The following MAGI2 variants were observed in gnomAD, a reference collection of about 807,000 sequenced individuals.
MAGI2 encodes membrane associated guanylate kinase, WW and PDZ domain containing 2, also known as membrane-associated guanylate kinase, WW and PDZ domain-containing protein 2.
A neutral mutation model predicts 133.3 loss-of-function variants in MAGI2; 35 were observed. The observed-to-expected ratio is 0.26, with a 90% CI of 0.20 to 0.35. The LOEUF is 0.35. Ranked by LOEUF, MAGI2 falls within the 10% of genes least tolerant of loss-of-function variation. The probability of loss-of-function intolerance (pLI) is 1.00; values close to 1 mark genes in which losing one functional copy is unlikely to be tolerated. For missense variants in MAGI2, 1,636 were observed against 1,863.4 expected, an observed-to-expected ratio of 0.88 and a Z score of 2.25; for synonymous variants, 729 against 710.6, an observed-to-expected ratio of 1.03 and a Z score of -0.41.
In MAGI2 at chr7:79,453,404, G is replaced by C; in HGVS notation, c.-84C>G. 1 of 1,512,492 alleles carries C rather than the reference G, an allele frequency of 6.6e-7. No individual in the cohort carries two copies. The allele number at this position is 1,512,492 out of a possible 1,614,324, so 93.7% of individuals were successfully genotyped here. A position where few individuals can be genotyped will look rare whatever the true frequency, so the allele number is the denominator to read the frequency against. ...GAGAGAATGAGGATGGAGGAGCAAG[G>C]GGGCCCAGGGGGAAGAACAGCAGAC... On this transcript the variant is annotated 5_prime_UTR_variant, in exon 1 of 22. Coordinates refer to ENST00000354212, the MANE Select transcript of MAGI2 (RefSeq NM_012301.4).
intron 9 of MAGI2, among the ~76,000 whole-genome samples, chr7:78,267,930 T>C (rs1794175527): frequency 6.6e-6 from 1 of 152,178 alleles, no homozygotes; most frequent in Admixed American, 6.5e-5. Flanking sequence ...GTTACAATTA[T>C]TATATGATAC....
At chr7:78,551,807 C>T (rs370538412) in intron 3 of MAGI2, among the ~76,000 whole-genome samples, 12 of 152,204 alleles carry the variant, frequency 7.9e-5, no homozygotes, top group Admixed American at 2.0e-4. Flanking sequence ...GGCAGCGGTG[C>T]GAACCTGGCT....
At chr7:78,969,457 G>T (rs1322561411) in intron 2 of MAGI2, among the ~76,000 whole-genome samples, 1 of 152,014 alleles carries the variant, frequency 6.6e-6, no homozygotes, top group East Asian at 1.9e-4. Context: ...GTGTGTTCGT[G>T]TCATTAATGA....
At chr7:79,423,643 G>T (rs998581430) in intron 1 of MAGI2, among the ~76,000 whole-genome samples, 1 of 152,020 alleles carries the variant, frequency 6.6e-6, no homozygotes, top group Non-Finnish European at 1.5e-5. Flanking sequence ...TGCAGGTTAT[G>T]CCATTTCTTT....
chr7:79,354,918 G>T (rs1035441961), intron 1 of MAGI2, among the ~76,000 whole-genome samples: 5 of 152,078 alleles, frequency 3.3e-5, no homozygotes, highest in Non-Finnish European at 7.4e-5. Flanking sequence ...TTTTCCCCTG[G>T]ACCCAATAGG....
chr7:79,123,649 G>T (rs1466939457), intron 1 of MAGI2, among the ~76,000 whole-genome samples: 1 of 151,858 alleles, frequency 6.6e-6, no homozygotes, highest in Non-Finnish European at 1.5e-5. Flanking sequence ...AGCCAGGCGT[G>T]GTGGGGTGTG....
At chr7:78,846,522 T>C (rs912270626) in intron 2 of MAGI2, among the ~76,000 whole-genome samples, 18 of 151,968 alleles carry the variant, frequency 1.2e-4, no homozygotes, top group African/African-American at 4.3e-4. Context: ...GTAGGAATAG[T>C]TTATCTTGTG....
At chr7:78,690,507 C>G (rs1208424847) in intron 2 of MAGI2, among the ~76,000 whole-genome samples, 1 of 152,164 alleles carries the variant, frequency 6.6e-6, no homozygotes, top group Non-Finnish European at 1.5e-5. Flanking sequence ...TCACCAGATA[C>G]TTTTTGTCCT....
chr7:79,141,344 A>G (rs1822113748), intron 1 of MAGI2, among the ~76,000 whole-genome samples: 1 of 152,176 alleles, frequency 6.6e-6, no homozygotes, highest in South Asian at 2.1e-4. Context: ...TTCACTATAC[A>G]GAAAGTTACT....
At chr7:78,431,282 G>A (rs1001256253) in intron 6 of MAGI2, among the ~76,000 whole-genome samples, 6 of 152,054 alleles carry the variant, frequency 3.9e-5, no homozygotes, top group African/African-American at 1.4e-4. Context: ...TTCAAAGACT[G>A]ACTAAAGGTG....
intron 6 of MAGI2, among the ~76,000 whole-genome samples, chr7:78,437,425 A>G (rs1354088172): frequency 6.6e-6 from 1 of 152,238 alleles, no homozygotes; most frequent in African/African-American, 2.4e-5. Context: ...CAGATTCTAA[A>G]TAGAAAGCAG....
At chr7:79,039,034 C>T (rs1811371634) in intron 1 of MAGI2, among the ~76,000 whole-genome samples, 1 of 152,194 alleles carries the variant, frequency 6.6e-6, no homozygotes, top group Non-Finnish European at 1.5e-5. Flanking sequence ...CCCCCACCCA[C>T]TCATCTTGAA....
chr7:79,244,634 G>T (rs1384258746), intron 1 of MAGI2, among the ~76,000 whole-genome samples: 1 of 152,192 alleles, frequency 6.6e-6, no homozygotes, highest in Non-Finnish European at 1.5e-5. Context: ...CACTACCTCA[G>T]GCTAATGACT....
At position 79,220,377 on chromosome 7, in the gene MAGI2, C is replaced by A. The variant is rs996109458; in HGVS notation, c.302-213171G>T. ...TGAGGAAGAAAGGCTGGTAACAGGT[C>A]AAAAAAAATGACAATATTTCATTTA... On this transcript the variant is annotated intron_variant, in intron 1 of 21. Coordinates refer to ENST00000354212, the MANE Select transcript of MAGI2 (RefSeq NM_012301.4). Among the ~76,000 whole-genome samples, 57 of 151,354 alleles carry A rather than the reference C, an allele frequency of 3.8e-4. 1 individual carries two copies. The highest frequency in any genetic ancestry group is 1.3e-3 in the African/African-American group (52 of 41,206).
At chr7:78,206,419 A>ATAGC (rs1350261021) in intron 10 of MAGI2, among the ~76,000 whole-genome samples, 4 of 151,534 alleles carry the variant, frequency 2.6e-5, no homozygotes, top group African/African-American at 9.7e-5. Context: ...AGCCTCCTGA[A>ATAGC]TAGCTGGGAC....
intron 1 of MAGI2, among the ~76,000 whole-genome samples, chr7:79,171,784 T>TTTTTTTTTTTTTC (rs1825646369): frequency 2.6e-5 from 2 of 78,126 alleles, no homozygotes; most frequent in African/African-American, 3.6e-5. Flanking sequence ...TTTTTTTTTT[T>TTTTTTTTTTTTTC]TTCTTTTAAA....
At chr7:79,065,307 T>G (rs1584833372) in intron 1 of MAGI2, among the ~76,000 whole-genome samples, 1 of 152,182 alleles carries the variant, frequency 6.6e-6, no homozygotes, top group East Asian at 1.9e-4. Flanking sequence ...TAATTGTACT[T>G]ATTTGCTTAT....
At chr7:79,420,043 A>G (rs1335488146) in intron 1 of MAGI2, among the ~76,000 whole-genome samples, 1 of 152,060 alleles carries the variant, frequency 6.6e-6, no homozygotes, top group East Asian at 1.9e-4. Flanking sequence ...AGAACTAAAT[A>G]TAAGACAGCT....
At chr7:78,477,259 C>A (rs1791868054) in intron 6 of MAGI2, among the ~76,000 whole-genome samples, 1 of 151,892 alleles carries the variant, frequency 6.6e-6, no homozygotes, top group Admixed American at 6.6e-5. Context: ...ATTGTTCCAA[C>A]ATTATGTGGA....
Sources: allele counts gnomAD v4.1 joint callset (sites outside exome capture counted in the v4.1 genomes callset), GRCh38; gene constraint gnomAD v4.1.1; transcripts MANE v1.5; gene names NCBI Gene and HGNC (gene_info 2026-07-23, HGNC 2026-07-21).